Variants in DAAM2 observed in about 807,000 individuals in gnomAD.
DAAM2 encodes the protein dishevelled associated activator of morphogenesis 2.
Under a neutral mutation model 120.7 loss-of-function variants are expected in DAAM2, and 39 were observed. The observed-to-expected ratio is 0.32, with a 90% confidence interval of 0.25 to 0.42. DAAM2 has a LOEUF of 0.42. Among genes scored for constraint, DAAM2 ranks in the 10% least tolerant of loss-of-function variants. The pLI, the probability that DAAM2 is intolerant of heterozygous loss-of-function variation, is 1.00. For synonymous variants in DAAM2, 488 were observed against 524.9 expected (o/e 0.93, Z 0.96); for missense variants, 1,283 against 1,401.7 (o/e 0.92, Z 1.35).
chr6:39,843,230 T>C (rs1763422291), intron 1 of DAAM2, among the ~76,000 whole-genome samples: 2 of 152,100 alleles, frequency 1.3e-5, no homozygotes, highest in Admixed American at 6.5e-5. Context: ...CCTCTAGGAA[T>C]TTCAGTCCCT....
At chr6:39,819,555 G>C (rs1373902991) in intron 1 of DAAM2, 2 of 152,158 alleles carry the variant, frequency 1.3e-5, no homozygotes, top group Non-Finnish European at 2.9e-5. Flanking sequence ...CAAGATTTTA[G>C]TGCTAGGTGC....
chr6:39,845,789 C>T (rs1763566141), intron 1 of DAAM2, among the ~76,000 whole-genome samples: 1 of 151,982 alleles, frequency 6.6e-6, no homozygotes. Flanking sequence ...TTCACAGCTC[C>T]CATTCCTAGT....
chr6:39,828,447 G>A (rs2114176191), intron 1 of DAAM2, among the ~76,000 whole-genome samples: 2 of 152,288 alleles, frequency 1.3e-5, no homozygotes, highest in South Asian at 4.2e-4. Flanking sequence ...GTGGAACTAT[G>A]CTATAGTTTG....
intron 1 of DAAM2, among the ~76,000 whole-genome samples, chr6:39,801,813 AGT>A (rs1363012351): frequency 6.6e-6 from 1 of 152,198 alleles, no homozygotes; most frequent in African/African-American, 2.4e-5. Context: ...CCGGGGGGTC[AGT>A]GTTAACACTC....
chr6:39,829,662 G>A (rs1237798419), intron 1 of DAAM2, among the ~76,000 whole-genome samples: 1 of 152,154 alleles, frequency 6.6e-6, no homozygotes, highest in African/African-American at 2.4e-5. Flanking sequence ...TCAGGGGTTT[G>A]TTTATTCATT....
At chr6:39,885,009 C>G (rs1765312469) in intron 15 of DAAM2, 1 of 152,126 alleles carries the variant, frequency 6.6e-6, no homozygotes, top group Non-Finnish European at 1.5e-5. Flanking sequence ...TGGGGCTGGG[C>G]TACCATCTTC....
intron 1 of DAAM2, among the ~76,000 whole-genome samples, chr6:39,831,831 T>G (rs1012255002): frequency 3.6e-5 from 1 of 27,556 alleles, no homozygotes; most frequent in Admixed American, 5.8e-4. Context: ...ACCAGAGCAC[T>G]GGGGGGTAGG....
At chr6:39,834,465 C>G (rs1375011391) in intron 1 of DAAM2, among the ~76,000 whole-genome samples, 26 of 152,170 alleles carry the variant, frequency 1.7e-4, no homozygotes, top group Admixed American at 1.7e-3. Context: ...GTTCGCCGAG[C>G]CTGGTACAGC....
At chr6:39,809,375 C>T (rs373605801) in intron 1 of DAAM2, among the ~76,000 whole-genome samples, 90 of 152,288 alleles carry the variant, frequency 5.9e-4, no homozygotes, top group Middle Eastern at 3.4e-3. Flanking sequence ...TTCTTTGGCT[C>T]TCATTCATGT....
At chr6:39,808,298 T>C (rs1654636412) in intron 1 of DAAM2, among the ~76,000 whole-genome samples, 1 of 152,192 alleles carries the variant, frequency 6.6e-6, no homozygotes, top group South Asian at 2.1e-4. Context: ...CCTTGAGAGC[T>C]ACTGGGATTT....
chr6:39,818,177 T>C (rs1156990157), intron 1 of DAAM2, among the ~76,000 whole-genome samples: 1 of 109,254 alleles, frequency 9.2e-6, no homozygotes, highest in Non-Finnish European at 1.7e-5. Context: ...AAACTGCATC[T>C]CAATTAAAAA....
chr6:39,834,270 G>A (rs1193165637), intron 1 of DAAM2, among the ~76,000 whole-genome samples: 1 of 152,094 alleles, frequency 6.6e-6, no homozygotes, highest in Admixed American at 6.5e-5. Flanking sequence ...GGGCTTGTTG[G>A]TTTTCAAATT....
chr6:39,827,137 T>C (rs2114167658), intron 1 of DAAM2, among the ~76,000 whole-genome samples: 1 of 152,336 alleles, frequency 6.6e-6, no homozygotes, highest in African/African-American at 2.4e-5. Flanking sequence ...GCAGAATTTG[T>C]CTGCGACTGT....
intron 1 of DAAM2, among the ~76,000 whole-genome samples, chr6:39,841,800 G>T (rs1020961099): frequency 2.0e-5 from 3 of 152,120 alleles, no homozygotes; most frequent in Non-Finnish European, 4.4e-5. Flanking sequence ...ATTGGCCTGT[G>T]TTCTCAGAGG....
intron 1 of DAAM2, among the ~76,000 whole-genome samples, chr6:39,842,844 C>A (rs567437400): frequency 4.7e-4 from 69 of 147,566 alleles, no homozygotes; most frequent in African/African-American, 1.7e-3. Flanking sequence ...GGGGAGGAAG[C>A]AGGGGAGGTG....
In DAAM2 at chr6:39,904,648, C is replaced by T. The variant is rs1232744471; in HGVS notation, c.*2611C>T. ...AATGGGGAAGGGTCTGTTCCAGCCT[C>T]TCCCTACTCCCATCCCATTTCCACC... On this transcript the variant is annotated 3_prime_UTR_variant, in exon 25 of 25. Transcript: ENST00000274867. 2 of 453,982 alleles carry T rather than the reference C, an allele frequency of 4.4e-6. No homozygotes were observed. Among genetic ancestry groups the T allele is most frequent in the Admixed American group, 2.3e-5 (1 of 42,554 alleles). The allele number at this position is 453,982 out of a possible 1,614,324, so 28.1% of individuals were successfully genotyped here. A position where few individuals can be genotyped will look rare whatever the true frequency, so the allele number is the denominator to read the frequency against.
chr6:39,869,753 CTTT>C (rs531295826), intron 7 of DAAM2, among the ~76,000 whole-genome samples: 1,412 of 101,998 alleles, frequency 0.014, 24 homozygotes, highest in Admixed American at 0.049. Flanking sequence ...CGCCAGCATA[CTTT>C]TTTTTTTTTT....
At chr6:39,845,651 C>T (rs1315699067) in intron 1 of DAAM2, among the ~76,000 whole-genome samples, 7 of 152,026 alleles carry the variant, frequency 4.6e-5, no homozygotes, top group Admixed American at 4.6e-4. Context: ...TCTCTCTCCT[C>T]CTCCCTCTCT....
intron 19 of DAAM2, among the ~76,000 whole-genome samples, chr6:39,894,715 G>A (rs1765966095): frequency 6.6e-6 from 1 of 152,048 alleles, no homozygotes; most frequent in African/African-American, 2.4e-5. Flanking sequence ...CTGCCTCCTG[G>A]GCTCAAGGTA....
Sources: allele counts gnomAD v4.1 joint callset (sites outside exome capture counted in the v4.1 genomes callset), GRCh38; gene constraint gnomAD v4.1.1; transcripts MANE v1.5; gene names NCBI Gene and HGNC (gene_info 2026-07-23, HGNC 2026-07-21).